Variants in GFRA1 observed in about 807,000 individuals in gnomAD.
The protein encoded by GFRA1 is GDNF family receptor alpha 1.
Under a neutral mutation model 51.6 loss-of-function variants are expected in GFRA1, and 16 were observed. That is an observed-to-expected ratio of 0.31 (90% confidence interval 0.21 to 0.47). GFRA1 has a LOEUF of 0.47. GFRA1 is among the 20% of genes least tolerant of loss of function. The pLI, the probability that GFRA1 is intolerant of heterozygous loss-of-function variation, is 1.00. For missense variants in GFRA1, 530 were observed against 594.3 expected (o/e 0.89, Z 1.13); for synonymous variants, 270 against 241.3 (o/e 1.12, Z -1.10).
At chr10:116,258,938 T>C (rs1442542408) in intron 4 of GFRA1, among the ~76,000 whole-genome samples, 1 of 152,316 alleles carries the variant, frequency 6.6e-6, no homozygotes, top group East Asian at 1.9e-4. Flanking sequence ...TCTTTTGCCA[T>C]TCAAATGCCA....
intron 4 of GFRA1, among the ~76,000 whole-genome samples, chr10:116,227,621 A>G (rs960469417): frequency 6.6e-6 from 1 of 152,232 alleles, no homozygotes; most frequent in Non-Finnish European, 1.5e-5. Flanking sequence ...ACTTTTGTTC[A>G]GCATCTCCAG....
intron 6 of GFRA1, among the ~76,000 whole-genome samples, chr10:116,106,907 T>C (rs1957028268): frequency 6.6e-6 from 1 of 152,168 alleles, no homozygotes; most frequent in East Asian, 1.9e-4. Context: ...GTGTGGCACC[T>C]CTTCCTTCCT....
At chr10:116,151,265 G>A (rs1243342393) in intron 5 of GFRA1, among the ~76,000 whole-genome samples, 1 of 152,208 alleles carries the variant, frequency 6.6e-6, no homozygotes, top group East Asian at 1.9e-4. Context: ...TGTGAATGAA[G>A]CAAGTTGGGT....
intron 5 of GFRA1, among the ~76,000 whole-genome samples, chr10:116,138,432 T>G (rs969228851): frequency 2.0e-5 from 3 of 152,170 alleles, no homozygotes; most frequent in Non-Finnish European, 2.9e-5. Flanking sequence ...GCTTTCTATT[T>G]GATTTTCAGG....
At position 116,272,096 on chromosome 10, in the gene GFRA1, G is replaced by A; in HGVS notation, c.-67C>T. The A allele has an allele frequency of 7.4e-7, 1 of 1,355,988 alleles. No homozygotes were observed. The highest frequency in any genetic ancestry group is 2.0e-5 in the Admixed American group (1 of 50,802). The allele number at this position is 1,355,988 out of a possible 1,614,324, so 84.0% of individuals were successfully genotyped here. A position where few individuals can be genotyped will look rare whatever the true frequency, so the allele number is the denominator to read the frequency against. On this transcript the variant is annotated 5_prime_UTR_variant, in exon 2 of 11. Coordinates refer to ENST00000355422, the MANE Select transcript of GFRA1 (RefSeq NM_005264.8). This position sits in a 1 kb window ranked among gnomAD's most constrained non-coding sequence, Gnocchi z 4.4. ...CCGAGCCGCCGCTGGGTCTTGCCGA[G>A]GGAGCTCAGCGTGCAGCGATCCCCG...
intron 4 of GFRA1, among the ~76,000 whole-genome samples, chr10:116,254,319 C>CA (rs67848241): frequency 0.41 from 44,002 of 106,734 alleles, 9,472 homozygotes; most frequent in South Asian, 0.58. Context: ...GAGCCTCTGT[C>CA]AAAAAAAAAA....
chr10:116,070,155 G>C (rs1181130578), intron 9 of GFRA1, among the ~76,000 whole-genome samples: 2 of 152,094 alleles, frequency 1.3e-5, no homozygotes, highest in African/African-American at 4.8e-5. Flanking sequence ...AATTAATGAT[G>C]CTCTGGTTCT....
At chr10:116,196,844 T>C (rs1200063445) in intron 5 of GFRA1, among the ~76,000 whole-genome samples, 5 of 83,760 alleles carry the variant, frequency 6.0e-5, no homozygotes, top group African/African-American at 7.9e-5. Flanking sequence ...TATATATATA[T>C]ATATTTTTTT....
At chr10:116,082,491 A>G (rs1451463080) in intron 9 of GFRA1, among the ~76,000 whole-genome samples, 1 of 146,708 alleles carries the variant, frequency 6.8e-6, no homozygotes, top group Non-Finnish European at 1.5e-5. Context: ...TTTTTTTTTG[A>G]GACGGACTTT....
chr10:116,237,452 T>G (rs1966963229), intron 4 of GFRA1, among the ~76,000 whole-genome samples: 1 of 151,946 alleles, frequency 6.6e-6, no homozygotes, highest in South Asian at 2.1e-4. Flanking sequence ...GAGGCTGAAG[T>G]GGGTTAGATT....
chr10:116,082,966 CTGT>C (rs1246372309), intron 9 of GFRA1, among the ~76,000 whole-genome samples: 1 of 152,180 alleles, frequency 6.6e-6, no homozygotes, highest in Non-Finnish European at 1.5e-5. Context: ...AAGGGTCAGC[CTGT>C]TGTTGTGCCT....
intron 2 of GFRA1, 149 bp from the exon 3 acceptor site, chr10:116,271,264 C>T (rs951623933): frequency 1.1e-5 from 7 of 613,508 alleles, no homozygotes; most frequent in South Asian, 2.0e-5. Context: ...CTCGACCATC[C>T]GGGAGTCCAT....
chr10:116,076,562 A>G (rs1343876751), intron 9 of GFRA1, among the ~76,000 whole-genome samples: 1 of 152,178 alleles, frequency 6.6e-6, no homozygotes, highest in African/African-American at 2.4e-5. Flanking sequence ...TTGTTCACAT[A>G]AAGGTACCAC....
At chr10:116,148,466 T>G (rs1958927933) in intron 5 of GFRA1, among the ~76,000 whole-genome samples, 1 of 151,796 alleles carries the variant, frequency 6.6e-6, no homozygotes, top group Middle Eastern at 3.4e-3. Flanking sequence ...GTGCCTCCAT[T>G]TCCTCATCTG....
chr10:116,131,346 G>A lies in GFRA1; in HGVS notation c.434-5789C>T, dbSNP rs868065538. ...GTTCAACCACTGTGGAAAAACATTC[G>A]GTAGCTTTTTATAAAACTAAACATA... On this transcript the variant is annotated intron_variant, in intron 5 of 10. Transcript: ENST00000355422. Among the ~76,000 whole-genome samples, 8 of 152,234 alleles carry A rather than the reference G, an allele frequency of 5.3e-5. No homozygotes were observed. The South Asian group carries it at 8.3e-4, about 16-fold the overall frequency.
chr10:116,148,999 G>T (rs2134128833), intron 5 of GFRA1, among the ~76,000 whole-genome samples: 1 of 151,690 alleles, frequency 6.6e-6, no homozygotes, highest in South Asian at 2.1e-4. Flanking sequence ...TACACATTCA[G>T]AAAAGGGACT....
At chr10:116,237,434 G>A (rs1205316018) in intron 4 of GFRA1, among the ~76,000 whole-genome samples, 1 of 152,178 alleles carries the variant, frequency 6.6e-6, no homozygotes, top group African/African-American at 2.4e-5. Flanking sequence ...TGTGGCAGAG[G>A]AAGGATTGAG....
intron 6 of GFRA1, among the ~76,000 whole-genome samples, chr10:116,104,287 G>C (rs533565874): frequency 3.7e-4 from 56 of 152,358 alleles, no homozygotes; most frequent in African/African-American, 1.3e-3. Flanking sequence ...GGCCCCTGTG[G>C]CCAAGTACAG....
At chr10:116,116,948 T>C (rs956684750) in intron 6 of GFRA1, among the ~76,000 whole-genome samples, 1 of 152,192 alleles carries the variant, frequency 6.6e-6, no homozygotes, top group Non-Finnish European at 1.5e-5. Context: ...AGAATTATCA[T>C]TCTGGCTGTC....
Sources: gnomAD v4.1 joint callset for allele counts (sites outside exome capture counted in the v4.1 genomes callset) on GRCh38, gnomAD v4.1.1 for gene constraint, Gnocchi (gnomAD v3.1) non-coding constraint, MANE v1.5 for transcripts, NCBI Gene and HGNC (gene_info 2026-07-23, HGNC 2026-07-21) for gene names.